The following PEAK3 variants were observed in gnomAD, a reference collection of about 807,000 sequenced individuals.
PEAK3 encodes protein PEAK3.
Under a neutral mutation model 13.3 loss-of-function variants are expected in PEAK3, and 15 were observed. That is an observed-to-expected ratio of 1.13 (90% CI 0.75 to 1.73). The LOEUF (loss-of-function observed/expected upper bound fraction) is 1.73. PEAK3 is among the 40% of genes most tolerant of loss of function. PEAK3 has a pLI of 0.00. For missense variants in PEAK3, 739 were observed against 690.2 expected (o/e 1.07, Z -0.79); for synonymous variants, 347 against 341.9 (o/e 1.01, Z -0.17).
chr19:2,276,380 G>C lies in PEAK3; in HGVS notation c.722C>G (p.Thr241Arg). 1 of 1,599,934 alleles carries C rather than the reference G, an allele frequency of 6.3e-7. No homozygotes were observed. Reference sequence around the variant, plus strand: ...GCCTCTCCAGGGCGCCCCGGGCAGTGTGCCTTCAGGCACCAGGCCACACAG... The same window carrying C: ...GCCTCTCCAGGGCGCCCCGGGCAGTCTGCCTTCAGGCACCAGGCCACACAG... ...QGLCGLVPEG[T>R]LPGAPWRGAV... Residue 241 changes from threonine (T) to arginine (R), a missense_variant, in exon 4 of 4, where the codon ACA (threonine) becomes AGA (arginine). Physicochemically the swap from Thr to Arg is moderately conservative, Grantham distance 71. Coordinates refer to ENST00000342063, the MANE Select transcript of PEAK3 (RefSeq NM_198532.3).
chr19:2,276,148 A>G lies in PEAK3; in HGVS notation c.954T>C (p.Cys318=). ...GCAGGCGTGGGGGCCCCGTCGTCGC[A>G]CAGCCCCGAGGTGCCACCAGCAGCA... ...ENLLLVAPRG[C]ATTGPPRLLL... Residue 318 remains cysteine (C), a synonymous_variant, in exon 4 of 4, where the codon TGT becomes TGC. Transcript: ENST00000342063. The G allele has an allele frequency of 6.5e-7, 1 of 1,543,308 alleles. No individual in the cohort carries two copies.
At chr19:2,278,228 A>C (rs886799434) in intron 3 of PEAK3, among the ~76,000 whole-genome samples, 2 of 145,544 alleles carry the variant, frequency 1.4e-5, no homozygotes, top group African/African-American at 5.2e-5. Context: ...GCAATGGCCC[A>C]ATCTTGGCTT....
Position 2,276,384 on chromosome 19 carries a change from C to A in PEAK3, c.718G>T (p.Gly240Cys). 6.2e-7 allele frequency: 1 copy of A among 1,600,056 alleles called. No homozygotes were observed. The highest frequency in any genetic ancestry group is 1.3e-5 in the African/African-American group (1 of 74,976). The change falls in exon 4 of 4, where the codon GGC becomes TGC. Residue 240 changes from glycine to cysteine, a missense_variant. Coordinates refer to ENST00000342063, the MANE Select transcript of PEAK3 (RefSeq NM_198532.3). ...LQGLCGLVPEGTLPGAPWRGA... is the reference protein window; with the variant it reads ...LQGLCGLVPECTLPGAPWRGA... Reference sequence around the variant, plus strand: ...CTCCAGGGCGCCCCGGGCAGTGTGCCTTCAGGCACCAGGCCACACAGCCCC... The same window carrying A: ...CTCCAGGGCGCCCCGGGCAGTGTGCATTCAGGCACCAGGCCACACAGCCCC...
chr19:2,276,581 C>G, intron 3 of PEAK3, 92 bp from the exon 4 acceptor site: 1 of 1,152,952 alleles, frequency 8.7e-7, no homozygotes, highest in Non-Finnish European at 1.2e-6. Flanking sequence ...GCCTCCCACG[C>G]ACACCCCCAA....
rs576594650 is a variant in PEAK3 at position 2,277,010 on chromosome 19, T to C, written c.613-521A>G. ...CTGGGCAACAGAGTGAGACTCTGTC[T>C]CAAAAACAAAAAACAAAACAAAAAA... On this transcript the variant is annotated intron_variant, in intron 3 of 3. Transcript: ENST00000342063. 6.6e-5 allele frequency among the ~76,000 whole-genome samples: 10 copies of C among 151,982 alleles called. No homozygotes were observed. The East Asian group carries it at 1.7e-3, about 26-fold the overall frequency.
intron 3 of PEAK3, among the ~76,000 whole-genome samples, chr19:2,278,098 C>T (rs1395636121): frequency 1.3e-5 from 2 of 151,150 alleles, no homozygotes; most frequent in Admixed American, 1.3e-4. Context: ...CTCCTGACCT[C>T]GTGATCTGCC....
Position 2,280,830 on chromosome 19 carries a change from C to G in PEAK3, c.82+20G>C. ...CTCCCTGCACCCCCGCAGCCCAGGG[C>G]TCCCTGGGGAGCTGCTTACCAAGGT... On this transcript the variant is annotated intron_variant, in intron 2 of 3. Coordinates refer to ENST00000342063, the MANE Select transcript of PEAK3 (RefSeq NM_198532.3). 6.3e-7 allele frequency: 1 copy of G among 1,599,258 alleles called. No individual in the cohort carries two copies. Among genetic ancestry groups the G allele is most frequent in the Non-Finnish European group, 8.5e-7 (1 of 1,172,562 alleles).
intron 1 of PEAK3, among the ~76,000 whole-genome samples, chr19:2,281,865 G>T (rs950478417): frequency 1.3e-5 from 2 of 152,206 alleles, no homozygotes; most frequent in Admixed American, 1.3e-4. Context: ...CCCTCTGCAC[G>T]TTTGGGATGG....
At position 2,279,093 on chromosome 19, in the gene PEAK3, G is replaced by A. The variant is rs200061210; in HGVS notation, c.103C>T (p.Leu35=). The part of the protein sequence containing the change: ...SNLGQIRAHL[L]PSKACRLRTP... ...CGGAGGCGGCAGGCCTTGGAGGGCAGCAGGTGGGCACGGATCTGACCTGCA... is the reference window on the plus strand; with the variant it reads ...CGGAGGCGGCAGGCCTTGGAGGGCAACAGGTGGGCACGGATCTGACCTGCA... The change falls in exon 3 of 4, where the codon CTG becomes TTG. Residue 35 remains leucine (L), a synonymous_variant. Transcript: ENST00000342063. 2.1e-6 allele frequency: 3 copies of A among 1,458,038 alleles called. No homozygotes were observed. The East Asian group carries it at 7.4e-5, about 36-fold the overall frequency. The allele number at this position is 1,458,038 out of a possible 1,614,324, so 90.3% of individuals were successfully genotyped here.
intron 2 of PEAK3, among the ~76,000 whole-genome samples, chr19:2,279,847 T>TC (rs931525191): frequency 5.3e-5 from 8 of 151,466 alleles, no homozygotes; most frequent in African/African-American, 1.9e-4. Flanking sequence ...CCTCCTAGGT[T>TC]CAAGCGATTC....
rs930452275 is a variant in PEAK3, at chr19:2,276,129, G to A, written c.973C>T (p.Arg325Cys). 7 of 1,538,558 alleles carry A rather than the reference G, an allele frequency of 4.5e-6. No homozygotes were observed. The African/African-American group carries it at 9.6e-5, about 21-fold the overall frequency. The change falls in exon 4 of 4, where the codon CGC becomes TGC. Residue 325 changes from arginine (R) to cysteine (C), a missense_variant. Transcript: ENST00000342063. ...PRGCATTGPP[R>C]LLLTDFGRVC... ...CGGCCAAAGTCAGTGAGGAGCAGGC[G>A]TGGGGGCCCCGTCGTCGCACAGCCC...
At chr19:2,278,491 G>T in intron 3 of PEAK3, 93 bp downstream of exon 3, 2 of 1,298,958 alleles carry the variant, frequency 1.5e-6, no homozygotes, top group South Asian at 4.6e-5. Flanking sequence ...TGTGAGAACT[G>T]ACTCACAGAA....
At chr19:2,281,954 C>G (rs1599160286) in intron 1 of PEAK3, 133 bp downstream of exon 1, 1 of 153,142 alleles carries the variant, frequency 6.5e-6, no homozygotes, top group South Asian at 2.0e-4. Flanking sequence ...CAGGGATCCA[C>G]ACTCAGGCCT....
In PEAK3 at chr19:2,275,697, C is replaced by T; in HGVS notation, c.1405G>A (p.Ala469Thr). 6.6e-7 allele frequency: 1 copy of T among 1,506,612 alleles called. No homozygotes were observed. Among genetic ancestry groups the T allele is most frequent in the Non-Finnish European group, 8.9e-7 (1 of 1,124,336 alleles). 93.3% of individuals were successfully genotyped at this position (1,506,612 alleles called of 1,614,324 possible). ...GGTTGGGGTCAGTCCCACAGCAGCGCCAGGGCCTGGCCCATCGAGGACTCG... is the reference window on the plus strand; with the variant it reads ...GGTTGGGGTCAGTCCCACAGCAGCGTCAGGGCCTGGCCCATCGAGGACTCG... Reference protein sequence around the residue: ...ATESSMGQALALLWD With the variant: ...ATESSMGQALTLLWD Residue 469 changes from alanine (A) to threonine (T), a missense_variant, in exon 4 of 4, where the codon GCG becomes ACG. Physicochemically the swap from Ala to Thr is moderately conservative, Grantham distance 58. Transcript: ENST00000342063.
In PEAK3 at chr19:2,275,726, G is replaced by A. The variant is rs1054444375; in HGVS notation, c.1376C>T (p.Ala459Val). The change falls in exon 4 of 4, where the codon GCC (alanine) becomes GTC (valine). Residue 459 changes from alanine to valine, a missense_variant. Physicochemically the swap from Ala to Val is moderately conservative, Grantham distance 64. Transcript: ENST00000342063. ...DWLCCEYLAE[A>V]TESSMGQALA... is the part of the protein sequence containing the mutation. ...GGCCTGGCCCATCGAGGACTCGGTG[G>A]CCTCGGCCAGGTATTCGCAACACAG... The A allele has an allele frequency of 6.4e-7, 1 of 1,556,166 alleles. No homozygotes were observed.
chr19:2,280,397 A>AT (rs985621149), intron 2 of PEAK3, among the ~76,000 whole-genome samples: 6 of 150,502 alleles, frequency 4.0e-5, no homozygotes, highest in African/African-American at 1.5e-4. Flanking sequence ...AATGGTATAT[A>AT]TTTTTTTCTA....
chr19:2,281,134 GT>G (rs2025435383), intron 1 of PEAK3, among the ~76,000 whole-genome samples, 199 bp from the exon 2 acceptor site: 1 of 148,546 alleles, frequency 6.7e-6, no homozygotes, highest in Admixed American at 6.7e-5. Flanking sequence ...TGGGTTTCCT[GT>G]CCTCTCTGGG....
Position 2,275,997 on chromosome 19 carries a change from G to T in PEAK3, c.1105C>A (p.Pro369Thr), listed in dbSNP as rs1202197468. 2.1e-6 allele frequency: 3 copies of T among 1,413,820 alleles called. No homozygotes were observed. Among genetic ancestry groups the T allele is most frequent in the Non-Finnish European group, 2.8e-6 (3 of 1,089,918 alleles). The allele number at this position is 1,413,820 out of a possible 1,614,324, so 87.6% of individuals were successfully genotyped here. The stretch of plus-strand genomic sequence containing the variant: ...AGGAGCTCCAGGCCCGCGGCCAAAG[G>T]CGTGGTCGAGGGCGCAGCAAGGCTG... ...LLSLAAPSTT[P>T]LAAGLELLAA... Residue 369 changes from proline (P) to threonine (T), a missense_variant, in exon 4 of 4, where the codon CCT becomes ACT. Pro to Thr is a conservative substitution (Grantham distance 38). Transcript: ENST00000342063.
intron 1 of PEAK3, among the ~76,000 whole-genome samples, chr19:2,281,736 G>A (rs891851318): frequency 2.0e-5 from 3 of 151,138 alleles, no homozygotes; most frequent in Non-Finnish European, 4.4e-5. Context: ...TGGGTTTCCT[G>A]CCCTCTCTGG....
Sources: gnomAD v4.1 joint callset for allele counts (sites outside exome capture counted in the v4.1 genomes callset) on GRCh38, gnomAD v4.1.1 for gene constraint, MANE v1.5 for transcripts, NCBI Gene and HGNC (gene_info 2026-07-23, HGNC 2026-07-21) for gene names.